Variants in PACRG observed in about 807,000 individuals in gnomAD.
PACRG encodes parkin coregulated gene protein.
In PACRG, 29 loss-of-function variants were observed where a neutral mutation model predicts 29.7. The observed-to-expected ratio is 0.98, with a 90% CI of 0.73 to 1.33. The LOEUF (loss-of-function observed/expected upper bound fraction) is 1.33. Among genes scored for constraint, PACRG ranks in the 40% most tolerant of loss-of-function variants. The probability of loss-of-function intolerance (pLI) is 0.00; values close to 1 mark genes in which losing one functional copy is unlikely to be tolerated. For missense variants in PACRG, 279 were observed against 316.2 expected, an observed-to-expected ratio of 0.88 and a Z score of 0.89; for synonymous variants, 116 against 118.7, an observed-to-expected ratio of 0.98 and a Z score of 0.15.
intron 2 of PACRG, among the ~76,000 whole-genome samples, chr6:162,825,244 T>G (rs1788179461): frequency 6.6e-6 from 1 of 152,200 alleles, no homozygotes; most frequent in Admixed American, 6.5e-5. Context: ...AAAATTATGT[T>G]TTTACCTATT....
intron 3 of PACRG, among the ~76,000 whole-genome samples, chr6:163,079,033 A>G (rs1812825037): frequency 6.6e-6 from 1 of 152,084 alleles, no homozygotes; most frequent in Non-Finnish European, 1.5e-5. Context: ...GCTTGCTACT[A>G]ACTAGCTGTG....
chr6:163,156,854 G>A (rs550245382), intron 4 of PACRG, among the ~76,000 whole-genome samples: 5 of 152,130 alleles, frequency 3.3e-5, no homozygotes, highest in South Asian at 2.1e-4. Flanking sequence ...ACCGTTTTTC[G>A]TGTCATCTCT....
intron 2 of PACRG, among the ~76,000 whole-genome samples, chr6:162,949,217 G>C: frequency 6.6e-6 from 1 of 152,092 alleles, no homozygotes; most frequent in East Asian, 1.9e-4. Flanking sequence ...TGGAGGACTA[G>C]GAGGTCATTA....
At chr6:162,837,189 G>T (rs77008453) in intron 2 of PACRG, among the ~76,000 whole-genome samples, 2,454 of 152,194 alleles carry the variant, frequency 0.016, 61 homozygotes, top group African/African-American at 0.054. Flanking sequence ...CGTAGATAGT[G>T]GGGGAGATGA....
In PACRG at chr6:162,748,659, T is replaced by C. The variant is rs983650177; in HGVS notation, c.156+20268T>C. Reference sequence around the variant, plus strand: ...ACGCACACAGTTAACAGGTAAAGTATAGAAAATGGCTTTTCTGAACCTATC... The same window carrying C: ...ACGCACACAGTTAACAGGTAAAGTACAGAAAATGGCTTTTCTGAACCTATC... On this transcript the variant is annotated intron_variant, in intron 1 of 4. Coordinates refer to ENST00000366888, the MANE Select transcript of PACRG (RefSeq NM_001080379.2). 2.0e-5 allele frequency among the ~76,000 whole-genome samples: 3 copies of C among 152,156 alleles called. No individual in the cohort carries two copies. The East Asian group carries it at 5.8e-4, about 29-fold the overall frequency.
intron 2 of PACRG, among the ~76,000 whole-genome samples, chr6:163,039,834 T>C (rs1271898457): frequency 2.0e-5 from 3 of 152,204 alleles, no homozygotes; most frequent in Non-Finnish European, 4.4e-5. Flanking sequence ...TTGGAACTTA[T>C]GTTTAAAAGG....
At chr6:163,107,180 C>A (rs968542375) in intron 4 of PACRG, among the ~76,000 whole-genome samples, 2 of 151,998 alleles carry the variant, frequency 1.3e-5, no homozygotes, top group Non-Finnish European at 2.9e-5. Flanking sequence ...GAGATTAAAA[C>A]CTAAAACCAT....
chr6:162,756,674 A>G (rs1486149059), intron 1 of PACRG, among the ~76,000 whole-genome samples: 1 of 151,952 alleles, frequency 6.6e-6, no homozygotes, highest in Non-Finnish European at 1.5e-5. Flanking sequence ...AGGGCTTGCT[A>G]TTGCCATTTT....
chr6:163,050,081 T>C (rs544327766), intron 2 of PACRG, among the ~76,000 whole-genome samples: 516 of 152,260 alleles, frequency 3.4e-3, no homozygotes, highest in Middle Eastern at 6.8e-3. Context: ...TAAGAGAATT[T>C]AATTCACAAA....
At chr6:163,034,963 A>T (rs1765548019) in intron 2 of PACRG, among the ~76,000 whole-genome samples, 1 of 152,152 alleles carries the variant, frequency 6.6e-6, no homozygotes, top group African/African-American at 2.4e-5. Flanking sequence ...TTTCTTGATG[A>T]TATGCTAACA....
chr6:163,248,431 CAAAAAA>C (rs199676766), intron 4 of PACRG, among the ~76,000 whole-genome samples: 1 of 109,674 alleles, frequency 9.1e-6, no homozygotes, highest in Non-Finnish European at 2.0e-5. Flanking sequence ...ATATTTTATG[CAAAAAA>C]AAAAAAAAAA....
intron 1 of PACRG, among the ~76,000 whole-genome samples, chr6:162,793,122 T>A (rs893610029): frequency 6.6e-6 from 1 of 152,192 alleles, no homozygotes; most frequent in African/African-American, 2.4e-5. Flanking sequence ...AGTTTATTCA[T>A]TTCACCACCA....
chr6:163,058,849 G>A (rs574101447), intron 2 of PACRG, among the ~76,000 whole-genome samples: 12 of 152,246 alleles, frequency 7.9e-5, no homozygotes, highest in Admixed American at 5.9e-4. Flanking sequence ...GCAGTGAGCC[G>A]AGCTCGCACC....
chr6:163,117,071 A>G (rs908779137), intron 4 of PACRG, among the ~76,000 whole-genome samples: 2 of 152,174 alleles, frequency 1.3e-5, no homozygotes, highest in African/African-American at 4.8e-5. Flanking sequence ...AGGTACAGCT[A>G]GGAAAGTGGA....
intron 1 of PACRG, among the ~76,000 whole-genome samples, chr6:162,768,295 G>C (rs945716504): frequency 6.6e-5 from 10 of 152,012 alleles, no homozygotes; most frequent in African/African-American, 2.2e-4. Context: ...CAACCTTGTG[G>C]TTTCTGTTGT....
intron 2 of PACRG, among the ~76,000 whole-genome samples, chr6:162,872,424 TTAA>T (rs1338022870): frequency 6.6e-6 from 1 of 152,234 alleles, no homozygotes; most frequent in Admixed American, 6.5e-5. Context: ...CCAACAAAAA[TTAA>T]TGATGTTGAA....
At chr6:163,208,561 T>G (rs533597611) in intron 4 of PACRG, among the ~76,000 whole-genome samples, 1 of 152,360 alleles carries the variant, frequency 6.6e-6, no homozygotes, top group East Asian at 1.9e-4. Context: ...GCTATTGGAT[T>G]TGAAGCTAAT....
intron 2 of PACRG, among the ~76,000 whole-genome samples, chr6:162,927,511 A>G (rs769643985): frequency 2.6e-5 from 4 of 152,140 alleles, no homozygotes; most frequent in Non-Finnish European, 4.4e-5. Context: ...AGGGACATGG[A>G]TGGAGCTGGA....
At chr6:162,983,247 T>C (rs1393807556) in intron 2 of PACRG, among the ~76,000 whole-genome samples, 1 of 152,050 alleles carries the variant, frequency 6.6e-6, no homozygotes, top group African/African-American at 2.4e-5. Flanking sequence ...GGTTAGTGGA[T>C]TTTTATCCAT....
Sources: gnomAD v4.1 joint callset for allele counts (sites outside exome capture counted in the v4.1 genomes callset) on GRCh38, gnomAD v4.1.1 for gene constraint, MANE v1.5 for transcripts, NCBI Gene and HGNC (gene_info 2026-07-23, HGNC 2026-07-21) for gene names.